Variants in F3 observed in about 807,000 individuals in gnomAD.
The protein encoded by F3 is coagulation factor III, tissue factor.
Under a neutral mutation model 33.5 loss-of-function variants are expected in F3, and 18 were observed. That is an observed-to-expected ratio of 0.54 (90% CI 0.37 to 0.80). The LOEUF is 0.80. F3 is among the 30% of genes least tolerant of loss of function. F3 has a pLI of 0.00. For missense variants in F3, 353 were observed against 362.1 expected (o/e 0.97, Z 0.20); for synonymous variants, 147 against 140.7 (o/e 1.05, Z -0.32).
chr1:94,532,509 C>G, intron 4 of F3, 29 bp from the exon 5 acceptor site: 1 of 1,610,288 alleles, frequency 6.2e-7, no homozygotes, highest in Non-Finnish European at 8.5e-7. Flanking sequence ...CTTAATTCAT[C>G]TGGGCTCTGA....
At position 94,530,352 on chromosome 1, in the gene F3, G is replaced by T. The variant is rs1651381918; in HGVS notation, c.*108C>A. ...TATCAAGAGTTTTTTGAACTCCAGGGTCTTCATGCTCCGAAATACTCATTT... is the reference window on the plus strand; with the variant it reads ...TATCAAGAGTTTTTTGAACTCCAGGTTCTTCATGCTCCGAAATACTCATTT... On this transcript the variant is annotated 3_prime_UTR_variant, in exon 6 of 6. Transcript: ENST00000334047. 4 of 1,425,268 alleles carry T rather than the reference G, an allele frequency of 2.8e-6. No homozygotes were observed. The South Asian group carries it at 3.9e-5, about 14-fold the overall frequency. 88.3% of individuals were successfully genotyped at this position (1,425,268 alleles called of 1,614,324 possible).
intron 2 of F3, among the ~76,000 whole-genome samples, chr1:94,539,082 A>G (rs3917606): frequency 0.045 from 6,851 of 152,244 alleles, 417 homozygotes; most frequent in African/African-American, 0.13. Flanking sequence ...CCCAAAATCT[A>G]ATTTTTACCA....
chr1:94,533,616 C>T (rs1412918147), intron 3 of F3, among the ~76,000 whole-genome samples: 1 of 152,168 alleles, frequency 6.6e-6, no homozygotes, highest in Non-Finnish European at 1.5e-5. Flanking sequence ...TGTGGATCCA[C>T]TTGTATGCAA....
chr1:94,530,269 A>C lies in F3; in HGVS notation c.*191T>G. The C allele has an allele frequency of 1.6e-6, 1 of 620,294 alleles. No individual in the cohort carries two copies. Among genetic ancestry groups the C allele is most frequent in the South Asian group, 2.5e-5 (1 of 40,104 alleles). 38.4% of individuals were successfully genotyped at this position (620,294 alleles called of 1,614,324 possible). A position where few individuals can be genotyped will look rare whatever the true frequency, so the allele number is the denominator to read the frequency against. ...AATTGGTTGTAGTACCATTCGTTAC[A>C]TTTCAAAGTGACTAATGCTGATGTC... is the stretch of plus-strand genomic sequence containing the variant. On this transcript the variant is annotated 3_prime_UTR_variant, in exon 6 of 6. Coordinates refer to ENST00000334047, the MANE Select transcript of F3 (RefSeq NM_001993.5).
In F3 at chr1:94,530,029, G is replaced by A. The variant is rs3917633; in HGVS notation, c.*431C>T. ...ACGGAGGGTGCAGTGAGCCGAGATC[G>A]TGCTACTGCACTCCAGCCTGGGCAA... On this transcript the variant is annotated 3_prime_UTR_variant, in exon 6 of 6. Coordinates refer to ENST00000334047, the MANE Select transcript of F3 (RefSeq NM_001993.5). 31,403 of 136,012 alleles carry A rather than the reference G, an allele frequency of 0.23. 3,576 individuals are homozygous for A. Among genetic ancestry groups the A allele is most frequent in the Admixed American group, 0.31 (3,752 of 11,964 alleles). 8.4% of individuals were successfully genotyped at this position (136,012 alleles called of 1,614,324 possible). A position where few individuals can be genotyped will look rare whatever the true frequency, so the allele number is the denominator to read the frequency against.
chr1:94,532,480 T>G lies in F3; in HGVS notation c.592A>C (p.Lys198Gln). 6.2e-7 allele frequency: 1 copy of G among 1,613,912 alleles called. No individual in the cohort carries two copies. The highest frequency in any genetic ancestry group is 8.5e-7 in the Non-Finnish European group (1 of 1,179,930). Residue 198 changes from lysine (K) to glutamine (Q), a missense_variant and splice_region_variant, in exon 5 of 6, where the codon AAA (lysine) becomes CAA (glutamine). Lys to Gln is a moderately conservative substitution (Grantham distance 53). Transcript: ENST00000334047. ...TCATTAGTGTTTGTTTTGGCTGTTTTCTGTAAAAAGATAGAGTTCTTAATT... is the reference window on the plus strand; with the variant it reads ...TCATTAGTGTTTGTTTTGGCTGTTTGCTGTAAAAAGATAGAGTTCTTAATT... ...YYWKSSSSGK[K>Q]TAKTNTNEFL...
At chr1:94,533,760 C>T (rs1044363044) in intron 3 of F3, among the ~76,000 whole-genome samples, 6 of 152,140 alleles carry the variant, frequency 3.9e-5, no homozygotes, top group African/African-American at 1.4e-4. Context: ...GGATGAACAC[C>T]TTTATGATGA....
At chr1:94,535,374 G>T (rs566954074) in intron 3 of F3, among the ~76,000 whole-genome samples, 2 of 152,136 alleles carry the variant, frequency 1.3e-5, no homozygotes, top group Non-Finnish European at 2.9e-5. Flanking sequence ...GGCTGAGGAG[G>T]AAAGTATTCC....
At chr1:94,540,581 C>T (rs1398880697) in intron 1 of F3, 1 of 497,646 alleles carries the variant, frequency 2.0e-6, no homozygotes, top group South Asian at 2.6e-5. Flanking sequence ...CCTTGTAATC[C>T]CAGGACACCG....
At chr1:94,536,237 T>C in intron 2 of F3, 73 bp from the exon 3 acceptor site, 4 of 1,344,960 alleles carry the variant, frequency 3.0e-6, no homozygotes, top group Middle Eastern at 2.5e-4. Flanking sequence ...GACTGCTTCC[T>C]GGCTGTGGTG....
chr1:94,533,163 A>G lies in F3; in HGVS notation c.518T>C (p.Leu173Pro), dbSNP rs751896505. ...RTLVRRNNTF[L>P]SLRDVFGKDL... is the part of the protein sequence containing the mutation. ...CTTGCCAAAAACATCCCGGAGGCTT[A>G]GGAAAGTGTTGTTCCTTCTGACTAA... is the stretch of plus-strand genomic sequence containing the variant. Residue 173 changes from leucine to proline, a missense_variant, in exon 4 of 6, where the codon CTA (leucine) becomes CCA (proline). Physicochemically the swap from Leu to Pro is moderately conservative, Grantham distance 98 (BLOSUM62 -3). Transcript: ENST00000334047. 5.0e-5 allele frequency: 80 copies of G among 1,613,938 alleles called. No homozygotes were observed. Among genetic ancestry groups the G allele is most frequent in the Non-Finnish European group, 6.0e-5 (71 of 1,179,998 alleles).
At chr1:94,536,801 A>G (rs1651622431) in intron 2 of F3, among the ~76,000 whole-genome samples, 3 of 152,184 alleles carry the variant, frequency 2.0e-5, no homozygotes, top group Admixed American at 2.0e-4. Context: ...GTGAGTCTAC[A>G]TAATAACATG....
At chr1:94,536,475 G>A (rs3917614) in intron 2 of F3, among the ~76,000 whole-genome samples, 2,024 of 152,262 alleles carry the variant, frequency 0.013, 49 homozygotes, top group African/African-American at 0.047. Context: ...TAGCAACCCA[G>A]GGGATGGCTC....
At position 94,541,656 on chromosome 1, in the gene F3, G is replaced by A. The variant is rs1032581593; in HGVS notation, c.-20C>T. On this transcript the variant is annotated 5_prime_UTR_variant, in exon 1 of 6. Transcript: ENST00000334047. ...CTCCATGTCTACCAGTTGGCGGCGA[G>A]ATCGAGCGGGTTCCGTGGCGCCCGT... 1.4e-6 allele frequency: 2 copies of A among 1,383,182 alleles called. No homozygotes were observed. The highest frequency in any genetic ancestry group is 1.9e-6 in the Non-Finnish European group (2 of 1,059,874). The allele number at this position is 1,383,182 out of a possible 1,614,324, so 85.7% of individuals were successfully genotyped here. A position where few individuals can be genotyped will look rare whatever the true frequency, so the allele number is the denominator to read the frequency against.
At chr1:94,531,501 C>T (rs1298089576) in intron 5 of F3, among the ~76,000 whole-genome samples, 1 of 152,048 alleles carries the variant, frequency 6.6e-6, no homozygotes, top group Non-Finnish European at 1.5e-5. Context: ...GGGCTTTTAC[C>T]ATGTTGGCCA....
chr1:94,541,486 T>C, intron 1 of F3, 51 bp downstream of exon 1: 1 of 1,346,320 alleles, frequency 7.4e-7, no homozygotes, highest in Non-Finnish European at 9.7e-7. Flanking sequence ...GACTGTCGCC[T>C]CCCTCCTGCG....
rs1651356287 is a variant in F3 at position 94,529,680 on chromosome 1, G to A, written c.*780C>T. ...CCAAATGTATTCCTGAAAAAAAAAAGAACCTAAACACTATATTATAGACAT... is the reference window on the plus strand; with the variant it reads ...CCAAATGTATTCCTGAAAAAAAAAAAAACCTAAACACTATATTATAGACAT... On this transcript the variant is annotated 3_prime_UTR_variant, in exon 6 of 6. Coordinates refer to ENST00000334047, the MANE Select transcript of F3 (RefSeq NM_001993.5). 6.6e-6 allele frequency: 1 copy of A among 151,566 alleles called. No individual in the cohort carries two copies. The highest frequency in any genetic ancestry group is 6.6e-5 in the Admixed American group (1 of 15,188). The allele number at this position is 151,566 out of a possible 1,614,324, so 9.4% of individuals were successfully genotyped here.
At chr1:94,532,923 A>G in intron 4 of F3, 167 bp downstream of exon 4, 1 of 677,284 alleles carries the variant, frequency 1.5e-6, no homozygotes, top group Non-Finnish European at 2.5e-6. Flanking sequence ...CACAGGTAGG[A>G]CCAGGCCTGT....
Position 94,530,615 on chromosome 1 carries a change from C to G in F3, c.752-19G>C. 1 of 1,600,860 alleles carries G rather than the reference C, an allele frequency of 6.2e-7. No individual in the cohort carries two copies. The highest frequency in any genetic ancestry group is 1.6e-5 in the African/African-American group (1 of 63,860). ...AATATTTCTGAAAAATAAAGGGCAT[C>G]TAGTCAACTTGGAGAGCTCAAATCC... On this transcript the variant is annotated intron_variant, in intron 5 of 5. Coordinates refer to ENST00000334047, the MANE Select transcript of F3 (RefSeq NM_001993.5).
Sources: gnomAD v4.1 joint callset for allele counts (sites outside exome capture counted in the v4.1 genomes callset) on GRCh38, gnomAD v4.1.1 for gene constraint, MANE v1.5 for transcripts, NCBI Gene and HGNC (gene_info 2026-07-23, HGNC 2026-07-21) for gene names.